TGM3: variants seen among roughly 807,000 people sequenced by gnomAD.
TGM3 encodes the protein transglutaminase 3.
In TGM3, 52 loss-of-function variants were observed where a neutral mutation model predicts 73.8. That is an observed-to-expected ratio of 0.70 (90% CI 0.56 to 0.89). The LOEUF is 0.89. TGM3 is among the 40% of genes least tolerant of loss of function. The probability of loss-of-function intolerance (pLI) is 0.00; values close to 1 mark genes in which losing one functional copy is unlikely to be tolerated. For synonymous variants in TGM3, 372 were observed against 354.9 expected (o/e 1.05, Z -0.54); for missense variants, 928 against 909.9 (o/e 1.02, Z -0.26).
intron 11 of TGM3, 110 bp downstream of exon 11, chr20:2,335,383 T>G (rs996071053): frequency 6.5e-6 from 9 of 1,383,610 alleles, no homozygotes; most frequent in Non-Finnish European, 8.8e-6. Flanking sequence ...CAAAGGAGAG[T>G]TTTTTCTTGC....
In TGM3 at chr20:2,334,784, T is replaced by G. The variant is rs1039746033; in HGVS notation, c.1643-332T>G. Among the ~76,000 whole-genome samples, 1 of 152,060 alleles carries G rather than the reference T, an allele frequency of 6.6e-6. No homozygotes were observed. Among genetic ancestry groups the G allele is most frequent in the African/African-American group, 2.4e-5 (1 of 41,406 alleles). On this transcript the variant is annotated intron_variant, in intron 10 of 12. Transcript: ENST00000381458. The surrounding 1 kb of genome is among the most constrained non-coding windows in gnomAD (Gnocchi z 4.0). ...CATAGAGAGACCCCATCTCTACAAA[T>G]AATTTAAAAAATTTTAAAAAAAAAG...
intron 1 of TGM3, among the ~76,000 whole-genome samples, chr20:2,303,073 C>T (rs901150248): frequency 6.6e-6 from 1 of 151,970 alleles, no homozygotes; most frequent in Non-Finnish European, 1.5e-5. Context: ...CTGAGGTGGG[C>T]GGATCATTTG....
chr20:2,323,568 T>C (rs2084272278), intron 7 of TGM3, among the ~76,000 whole-genome samples: 1 of 152,246 alleles, frequency 6.6e-6, no homozygotes, highest in Non-Finnish European at 1.5e-5. Context: ...AGAAATTCCC[T>C]GATGTGGACT....
intron 10 of TGM3, among the ~76,000 whole-genome samples, chr20:2,333,959 A>G (rs2122250610): frequency 6.6e-6 from 1 of 152,326 alleles, no homozygotes; most frequent in Middle Eastern, 3.4e-3. Context: ...AAATTCCTTC[A>G]GTGCTAAAAG....
chr20:2,338,781 A>C (rs545422773), intron 11 of TGM3, among the ~76,000 whole-genome samples: 17 of 152,346 alleles, frequency 1.1e-4, no homozygotes, highest in African/African-American at 3.4e-4. Flanking sequence ...ATAGCCATAA[A>C]ATGTCCATTT....
chr20:2,308,673 C>T lies in TGM3; in HGVS notation c.8-984C>T, dbSNP rs149395152. On this transcript the variant is annotated intron_variant, in intron 1 of 12. Transcript: ENST00000381458. ...CCAATTGCTAGGCCTAGAAACACTG[C>T]TCAGAGTCTCCGCCAGCCTCCCTAG... Among the ~76,000 whole-genome samples, 556 of 152,318 alleles carry T rather than the reference C, an allele frequency of 3.7e-3. 1 individual carries two copies. The highest frequency in any genetic ancestry group is 0.013 in the African/African-American group (525 of 41,564).
intron 1 of TGM3, among the ~76,000 whole-genome samples, chr20:2,302,714 T>TAAAAAATAAAAA (rs1555793996): frequency 1.9e-5 from 2 of 105,260 alleles, no homozygotes; most frequent in African/African-American, 6.1e-5. Context: ...AGAGGTTTTC[T>TAAAAAATAAAAA]AAAAAAAAAA....
chr20:2,308,491 T>A (rs2084186150), intron 1 of TGM3, among the ~76,000 whole-genome samples: 1 of 152,228 alleles, frequency 6.6e-6, no homozygotes, highest in Non-Finnish European at 1.5e-5. Context: ...TCAGTTTAGC[T>A]CCGTCATCTT....
intron 8 of TGM3, among the ~76,000 whole-genome samples, chr20:2,327,480 A>AAAAC (rs558397009): frequency 1.8e-3 from 269 of 152,338 alleles, no homozygotes; most frequent in Non-Finnish European, 3.2e-3. Flanking sequence ...GCATCTCAAA[A>AAAAC]AAACAAACAA....
intron 5 of TGM3, among the ~76,000 whole-genome samples, chr20:2,314,852 G>A (rs1188337407): frequency 6.6e-6 from 1 of 152,044 alleles, no homozygotes; most frequent in South Asian, 2.1e-4. Context: ...TTGATCTCTT[G>A]ACTTTTGAGT....
intron 8 of TGM3, among the ~76,000 whole-genome samples, chr20:2,327,587 C>G (rs2084295469): frequency 6.6e-6 from 1 of 152,172 alleles, no homozygotes; most frequent in Admixed American, 6.5e-5. Flanking sequence ...GTATTTCTTT[C>G]TAGGGGTTGT....
At chr20:2,298,832 A>C (rs2084126069) in intron 1 of TGM3, among the ~76,000 whole-genome samples, 1 of 152,086 alleles carries the variant, frequency 6.6e-6, no homozygotes, top group Non-Finnish European at 1.5e-5. Flanking sequence ...TCTGAAAAGG[A>C]GATGGCCCCT....
At chr20:2,324,112 A>C (rs1173945586) in intron 7 of TGM3, among the ~76,000 whole-genome samples, 1 of 151,836 alleles carries the variant, frequency 6.6e-6, no homozygotes, top group Non-Finnish European at 1.5e-5. Flanking sequence ...TCTATCTTCA[A>C]ATTTATTGAC....
chr20:2,298,478 CCT>C (rs1029093019), intron 1 of TGM3, among the ~76,000 whole-genome samples: 2 of 152,180 alleles, frequency 1.3e-5, no homozygotes, highest in African/African-American at 4.8e-5. Context: ...ATGACCAGAA[CCT>C]CTGTTTTGGG....
intron 1 of TGM3, among the ~76,000 whole-genome samples, chr20:2,303,316 A>AAAAGT (rs2084160932): frequency 6.6e-6 from 1 of 151,858 alleles, no homozygotes; most frequent in Non-Finnish European, 1.5e-5. Context: ...AAAAGAAAAG[A>AAAAGT]AAAAAAAGAA....
At chr20:2,309,897 C>G in intron 2 of TGM3, 67 bp downstream of exon 2, 1 of 1,592,386 alleles carries the variant, frequency 6.3e-7, no homozygotes, top group Non-Finnish European at 8.6e-7. Flanking sequence ...CATTCAAGGA[C>G]TGACGGGGAC....
chr20:2,300,097 A>T (rs914870267), intron 1 of TGM3, among the ~76,000 whole-genome samples: 1 of 85,748 alleles, frequency 1.2e-5, no homozygotes, highest in African/African-American at 3.0e-5. Flanking sequence ...ACAGAGAGAG[A>T]CTCCATTTAA....
rs778185848 is a variant in TGM3, at chr20:2,332,183, C to G, written c.1515C>G (p.Leu505=). Residue 505 remains leucine (L), a synonymous_variant, in exon 10 of 13, where the codon CTC becomes CTG. Coordinates refer to ENST00000381458, the MANE Select transcript of TGM3 (RefSeq NM_003245.4). The surrounding 1 kb of genome is among the most constrained non-coding windows in gnomAD (Gnocchi z 4.4). ...VGKEVNLVLL[L]KNLSRDTKTV... The stretch of plus-strand genomic sequence containing the variant: ...AAGAAGTCAACCTGGTCCTACTGCT[C>G]AAAAACCTGAGCAGGGATACGAAGA... The G allele has an allele frequency of 9.3e-6, 15 of 1,614,080 alleles. No homozygotes were observed. The highest frequency in any genetic ancestry group is 1.2e-5 in the Non-Finnish European group (14 of 1,179,990).
At chr20:2,338,452 C>T (rs1478297311) in intron 11 of TGM3, among the ~76,000 whole-genome samples, 1 of 152,160 alleles carries the variant, frequency 6.6e-6, no homozygotes, top group East Asian at 1.9e-4. Context: ...TAAAATTATG[C>T]TGCACTCTTC....
Sources: allele counts gnomAD v4.1 joint callset (sites outside exome capture counted in the v4.1 genomes callset), GRCh38; gene constraint gnomAD v4.1.1; non-coding constraint Gnocchi (gnomAD v3.1); transcripts MANE v1.5; gene names NCBI Gene and HGNC (gene_info 2026-07-23, HGNC 2026-07-21).